The following BFSP2 variants were observed in gnomAD, a reference collection of about 807,000 sequenced individuals.
BFSP2 encodes phakinin.
A neutral mutation model predicts 44.9 loss-of-function variants in BFSP2; 38 were observed. That is an observed-to-expected ratio of 0.85 (90% CI 0.65 to 1.11). The LOEUF (loss-of-function observed/expected upper bound fraction) is 1.11, where lower values mean the gene tolerates loss of function less well. Ranked by LOEUF, BFSP2 falls within the 50% of genes least tolerant of loss-of-function variation. The pLI is 0.00. For synonymous variants in BFSP2, 197 were observed against 209.9 expected (o/e 0.94, Z 0.53); for missense variants, 525 against 533.0 (o/e 0.99, Z 0.15).
chr3:133,458,553 G>T (rs945583595), intron 4 of BFSP2, among the ~76,000 whole-genome samples: 4 of 152,052 alleles, frequency 2.6e-5, no homozygotes, highest in African/African-American at 9.7e-5. Flanking sequence ...AAATTAGCCG[G>T]GTGTGGTGGC....
In BFSP2 at chr3:133,466,813, C is replaced by T. The variant is rs1346511270; in HGVS notation, c.892-15C>T. On this transcript the variant is annotated splice_polypyrimidine_tract_variant and intron_variant, in intron 4 of 6. Transcript: ENST00000302334. ...CTGATCATCACCGCTCACACTGAGACCTGACTCTCCACAGCAACAGGCGGA... is the reference window on the plus strand; with the variant it reads ...CTGATCATCACCGCTCACACTGAGATCTGACTCTCCACAGCAACAGGCGGA... 5.0e-6 allele frequency: 8 copies of T among 1,612,348 alleles called. No individual in the cohort carries two copies. In the South Asian group the frequency reaches 7.7e-5, roughly 15 times the overall value.
chr3:133,404,873 C>T (rs1334871727), intron 1 of BFSP2: 3 of 152,174 alleles, frequency 2.0e-5, no homozygotes, highest in Non-Finnish European at 2.9e-5. Flanking sequence ...ACCTCCAAGC[C>T]TCGCTAAGTG....
intron 1 of BFSP2, among the ~76,000 whole-genome samples, chr3:133,445,069 A>T (rs891677799): frequency 2.6e-5 from 4 of 152,248 alleles, no homozygotes; most frequent in Non-Finnish European, 4.4e-5. Context: ...AACAAACAGG[A>T]CAGAGCCTGG....
chr3:133,435,283 TATA>T (rs2107909738), intron 1 of BFSP2, among the ~76,000 whole-genome samples: 1 of 152,296 alleles, frequency 6.6e-6, no homozygotes, highest in East Asian at 1.9e-4. Flanking sequence ...AAAACACTCT[TATA>T]ATAAGCAGAT....
At chr3:133,415,037 C>T (rs1377754960) in intron 1 of BFSP2, among the ~76,000 whole-genome samples, 1 of 142,130 alleles carries the variant, frequency 7.0e-6, no homozygotes, top group East Asian at 2.2e-4. Flanking sequence ...CATCCCTGCC[C>T]TCTCCCTTCT....
chr3:133,448,930 G>T, intron 3 of BFSP2: 1 of 431,814 alleles, frequency 2.3e-6, no homozygotes, highest in Non-Finnish European at 4.3e-6. Context: ...AAATTAGAGG[G>T]AGCAACCCCT....
intron 1 of BFSP2, among the ~76,000 whole-genome samples, chr3:133,420,571 G>T (rs1244376615): frequency 6.6e-6 from 1 of 152,182 alleles, no homozygotes; most frequent in Non-Finnish European, 1.5e-5. Context: ...GCATAGGTGA[G>T]AATACTCTGG....
intron 4 of BFSP2, among the ~76,000 whole-genome samples, chr3:133,459,468 A>G (rs2074042469): frequency 6.6e-6 from 1 of 152,228 alleles, no homozygotes; most frequent in African/African-American, 2.4e-5. Context: ...TCACAAAGCC[A>G]TTTACTCCTC....
At chr3:133,461,608 G>C (rs371293268) in intron 4 of BFSP2, among the ~76,000 whole-genome samples, 16 of 152,294 alleles carry the variant, frequency 1.1e-4, no homozygotes, top group African/African-American at 2.9e-4. Flanking sequence ...CAGAAATAGA[G>C]TTATAATAAC....
chr3:133,460,784 T>C (rs1166048019), intron 4 of BFSP2, among the ~76,000 whole-genome samples: 7 of 152,250 alleles, frequency 4.6e-5, no homozygotes, highest in Non-Finnish European at 1.0e-4. Flanking sequence ...GAGATTAGCA[T>C]GATCTCATGA....
chr3:133,459,797 C>T (rs561895686), intron 4 of BFSP2, among the ~76,000 whole-genome samples: 4 of 152,320 alleles, frequency 2.6e-5, no homozygotes, highest in Non-Finnish European at 4.4e-5. Context: ...TATGACACCA[C>T]GTAACTGTAA....
At position 133,472,500 on chromosome 3, in the gene BFSP2, C is replaced by T. The variant is rs759295288; in HGVS notation, c.1179C>T (p.Ala393=). 6.2e-7 allele frequency: 1 copy of T among 1,613,284 alleles called. No homozygotes were observed. The highest frequency in any genetic ancestry group is 1.7e-5 in the Admixed American group (1 of 60,012). ...AACAGGAGCGCGCGCATCTGCTGGC[C>T]CGCAAGTGCCAGCTGCAGAAGGACG... is the stretch of plus-strand genomic sequence containing the variant. The part of the protein sequence containing the change: ...QQQQERAHLL[A]RKCQLQKDVA... The change falls in exon 6 of 7, where the codon GCC becomes GCT. Residue 393 remains alanine (A), a synonymous_variant. Coordinates refer to ENST00000302334, the MANE Select transcript of BFSP2 (RefSeq NM_003571.4).
chr3:133,410,873 T>TA (rs2073445822), intron 1 of BFSP2: 1 of 159,342 alleles, frequency 6.3e-6, no homozygotes, highest in South Asian at 2.0e-4. Flanking sequence ...ATATTGTGAC[T>TA]ATGTGAAGCA....
chr3:133,414,322 A>C (rs1271413937), intron 1 of BFSP2, among the ~76,000 whole-genome samples: 3 of 28,946 alleles, frequency 1.0e-4, no homozygotes, highest in African/African-American at 1.7e-4. Context: ...CCCTCTACTC[A>C]CCCCTGCTCT....
rs545416533 is a variant in BFSP2, at chr3:133,426,617, C to T, written c.490-20700C>T. ...AAAGGGTCCACTCTGGGGCCTGGGACAAGCCATCAAACTTCCATCTTGATT... is the reference window on the plus strand; with the variant it reads ...AAAGGGTCCACTCTGGGGCCTGGGATAAGCCATCAAACTTCCATCTTGATT... On this transcript the variant is annotated intron_variant, in intron 1 of 6. Coordinates refer to ENST00000302334, the MANE Select transcript of BFSP2 (RefSeq NM_003571.4). Among the ~76,000 whole-genome samples the T allele has an allele frequency of 5.9e-5, 9 of 152,352 alleles. No individual in the cohort carries two copies. In the South Asian group the frequency reaches 1.9e-3, roughly 32 times the overall value.
intron 1 of BFSP2, among the ~76,000 whole-genome samples, chr3:133,425,387 A>G (rs1050460037): frequency 6.6e-6 from 1 of 152,204 alleles, no homozygotes; most frequent in Non-Finnish European, 1.5e-5. Context: ...GGACTCACGA[A>G]GTACAGTTAC....
intron 5 of BFSP2, 51 bp from the exon 6 acceptor site, chr3:133,472,294 A>G (rs2074169535): frequency 1.3e-6 from 2 of 1,561,196 alleles, no homozygotes; most frequent in South Asian, 1.2e-5. Context: ...CTCCCTCTTC[A>G]AGGGCCCGGC....
At chr3:133,466,727 C>T (rs2074114043) in intron 4 of BFSP2, 101 bp from the exon 5 acceptor site, 1 of 751,286 alleles carries the variant, frequency 1.3e-6, no homozygotes, top group African/African-American at 1.8e-5. Flanking sequence ...TGTATTTCCT[C>T]TGGTTAGAGG....
intron 1 of BFSP2, among the ~76,000 whole-genome samples, chr3:133,416,478 A>C (rs1277014413): frequency 1.7e-4 from 15 of 88,998 alleles, no homozygotes; most frequent in East Asian, 1.1e-3. Flanking sequence ...TCTACTCACC[A>C]CTCTACTCAT....
Sources: gnomAD v4.1 joint callset for allele counts (sites outside exome capture counted in the v4.1 genomes callset) on GRCh38, gnomAD v4.1.1 for gene constraint, MANE v1.5 for transcripts, NCBI Gene and HGNC (gene_info 2026-07-23, HGNC 2026-07-21) for gene names.